Variants in PDX1 observed in about 807,000 individuals in gnomAD.
PDX1 encodes pancreas/duodenum homeobox protein 1.
PDX1 carries 7 observed loss-of-function variants against 11.1 expected under a neutral mutation model. That is an observed-to-expected ratio of 0.63 (90% confidence interval 0.36 to 1.19). PDX1 has a LOEUF of 1.19. Ranked by LOEUF, PDX1 falls within the 50% of genes most tolerant of loss-of-function variation. PDX1 has a pLI of 0.02. For synonymous variants in PDX1, 232 were observed against 196.2 expected (o/e 1.18, Z -1.53); for missense variants, 449 against 412.1 (o/e 1.09, Z -0.78).
At chr13:27,923,518 G>A (rs771907905) in intron 1 of PDX1, among the ~76,000 whole-genome samples, 1 of 152,236 alleles carries the variant, frequency 6.6e-6, no homozygotes, top group Non-Finnish European at 1.5e-5. Flanking sequence ...AGAATTTGCT[G>A]GCTCTCAGGT....
At position 27,925,382 on chromosome 13, in the gene PDX1, C is replaced by T. The variant is rs1405479621; in HGVS notation, c.*681C>T. 3.2e-5 allele frequency: 5 copies of T among 157,038 alleles called. No homozygotes were observed. Among genetic ancestry groups the T allele is most frequent in the Non-Finnish European group, 6.6e-5 (5 of 76,026 alleles). The allele number at this position is 157,038 out of a possible 1,614,324, so 9.7% of individuals were successfully genotyped here. ...CTTCCTCTTCCTCCTGCTCTCCTTT[C>T]CTCCCCCTCCTCTTTCTCCTCCTCC... is the stretch of plus-strand genomic sequence containing the variant. On this transcript the variant is annotated 3_prime_UTR_variant, in exon 2 of 2. Coordinates refer to ENST00000381033, the MANE Select transcript of PDX1 (RefSeq NM_000209.4).
Position 27,924,284 on chromosome 13 carries a change from G to T in PDX1, c.435G>T (p.Glu145Asp), listed in dbSNP as rs1444644197. The change falls in exon 2 of 2, where the codon GAG becomes GAT. Residue 145 changes from glutamate (E) to aspartate (D), a missense_variant. Glu to Asp is a conservative substitution (Grantham distance 45). Transcript: ENST00000381033. The surrounding 1 kb of genome is among the most constrained non-coding windows in gnomAD (Gnocchi z 4.8). ...AGGAYAAEPE[E>D]NKRTRTAYTR... Reference sequence around the variant, plus strand: ...GCGCCTACGCTGCGGAGCCGGAGGAGAACAAGCGGACGCGCACGGCCTACA... The same window carrying T: ...GCGCCTACGCTGCGGAGCCGGAGGATAACAAGCGGACGCGCACGGCCTACA... 6.2e-7 allele frequency: 1 copy of T among 1,609,060 alleles called. No individual in the cohort carries two copies.
rs1333501321 is a variant in PDX1 at position 27,924,479 on chromosome 13, C to A, written c.630C>A (p.Gly210=). ...KWKKEEDKKR[G]GGTAVGGGGV... ...AAAAGGAGGAGGACAAGAAGCGCGG[C>A]GGCGGGACAGCTGTCGGGGGTGGCG... is the stretch of plus-strand genomic sequence containing the variant. The change falls in exon 2 of 2, where the codon GGC becomes GGA. Residue 210 remains glycine, a synonymous_variant. Coordinates refer to ENST00000381033, the MANE Select transcript of PDX1 (RefSeq NM_000209.4). This position sits in a 1 kb window ranked among gnomAD's most constrained non-coding sequence, Gnocchi z 4.8. The A allele has an allele frequency of 3.1e-6, 5 of 1,612,724 alleles. No homozygotes were observed. Among genetic ancestry groups the A allele is most frequent in the African/African-American group, 1.3e-5 (1 of 74,984 alleles).
Position 27,920,012 on chromosome 13 carries a change from G to C in PDX1, c.-127G>C. The C allele has an allele frequency of 8.2e-7, 1 of 1,214,162 alleles. No individual in the cohort carries two copies. The highest frequency in any genetic ancestry group is 2.6e-5 in the East Asian group (1 of 39,060). The allele number at this position is 1,214,162 out of a possible 1,614,324, so 75.2% of individuals were successfully genotyped here. A position where few individuals can be genotyped will look rare whatever the true frequency, so the allele number is the denominator to read the frequency against. On this transcript the variant is annotated 5_prime_UTR_variant, in exon 1 of 2. Coordinates refer to ENST00000381033, the MANE Select transcript of PDX1 (RefSeq NM_000209.4). The stretch of plus-strand genomic sequence containing the variant: ...GTGGGTTCCCTCTGAGATCAGTGCG[G>C]AGCTGTCAAAGCGAGCAGGGGTGGC...
In PDX1 at chr13:27,920,171, G is replaced by T; in HGVS notation, c.33G>T (p.Thr11=). Residue 11 remains threonine, a synonymous_variant, in exon 1 of 2, where the codon ACG becomes ACT. Coordinates refer to ENST00000381033, the MANE Select transcript of PDX1 (RefSeq NM_000209.4). MNGEEQYYAA[T]QLYKDPCAFQ... Reference sequence around the variant, plus strand: ...GCGAGGAGCAGTACTACGCGGCCACGCAGCTTTACAAGGACCCATGCGCGT... The same window carrying T: ...GCGAGGAGCAGTACTACGCGGCCACTCAGCTTTACAAGGACCCATGCGCGT... The T allele has an allele frequency of 3.9e-6, 6 of 1,550,000 alleles. No homozygotes were observed. In the South Asian group the frequency reaches 7.1e-5, roughly 18 times the overall value.
chr13:27,925,184 A>G lies in PDX1; in HGVS notation c.*483A>G, dbSNP rs1293928864. Reference sequence around the variant, plus strand: ...ACCCCTTTAAGTTTAGAAATAATTGAAAGGAAATGTTTGAGTTTTCAAAGA... The same window carrying G: ...ACCCCTTTAAGTTTAGAAATAATTGGAAGGAAATGTTTGAGTTTTCAAAGA... On this transcript the variant is annotated 3_prime_UTR_variant, in exon 2 of 2. Transcript: ENST00000381033. The G allele has an allele frequency of 4.8e-6, 1 of 209,848 alleles. No homozygotes were observed. Among genetic ancestry groups the G allele is most frequent in the Non-Finnish European group, 9.7e-6 (1 of 102,838 alleles). The allele number at this position is 209,848 out of a possible 1,614,324, so 13.0% of individuals were successfully genotyped here.
intron 1 of PDX1, among the ~76,000 whole-genome samples, chr13:27,921,505 C>A (rs961355327): frequency 2.0e-5 from 3 of 152,238 alleles, no homozygotes; most frequent in Non-Finnish European, 2.9e-5. Flanking sequence ...CGCTGCCGTG[C>A]CTCAGCCACT....
rs192902098 is a variant in PDX1, at chr13:27,920,235, C to A, written c.97C>A (p.Pro33Thr). ...GGCGCCGGAGTTCAGCGCCAGCCCC[C>A]CTGCGTGCCTGTACATGGGCCGCCA... is the stretch of plus-strand genomic sequence containing the variant. ...GPAPEFSASP[P>T]ACLYMGRQPP... The change falls in exon 1 of 2, where the codon CCT (proline) becomes ACT (threonine). Residue 33 changes from proline (P) to threonine (T), a missense_variant. Physicochemically the swap from Pro to Thr is conservative, Grantham distance 38. This residue lies in a region of PDX1 where 263 missense variants were observed against 212.5 expected (regional missense o/e 1.24). Coordinates refer to ENST00000381033, the MANE Select transcript of PDX1 (RefSeq NM_000209.4). 2.0e-3 allele frequency: 3,082 copies of A among 1,548,334 alleles called. 17 individuals are homozygous for A. The highest frequency in any genetic ancestry group is 6.0e-3 in the South Asian group (502 of 83,942).
At position 27,920,081 on chromosome 13, in the gene PDX1, G is replaced by C. The variant is rs965979876; in HGVS notation, c.-58G>C. The C allele has an allele frequency of 7.8e-6, 12 of 1,545,010 alleles. No homozygotes were observed. Among genetic ancestry groups the C allele is most frequent in the Non-Finnish European group, 9.6e-6 (11 of 1,143,642 alleles). Reference sequence around the variant, plus strand: ...ACACAGTGCCAAATCCCCGGCTCCAGCTCCCGACTCCCGGCTCCCGGCTCC... The same window carrying C: ...ACACAGTGCCAAATCCCCGGCTCCACCTCCCGACTCCCGGCTCCCGGCTCC... On this transcript the variant is annotated 5_prime_UTR_variant, in exon 1 of 2. Coordinates refer to ENST00000381033, the MANE Select transcript of PDX1 (RefSeq NM_000209.4).
intron 1 of PDX1, among the ~76,000 whole-genome samples, chr13:27,921,631 A>G (rs1957788736): frequency 6.6e-6 from 1 of 152,144 alleles, no homozygotes; most frequent in Non-Finnish European, 1.5e-5. Flanking sequence ...CTCAGCGCCC[A>G]TCTGCGGGGT....
chr13:27,920,403 C>G lies in PDX1; in HGVS notation c.265C>G (p.Gln89Glu), dbSNP rs1265416135. ...VAHLHHHLPA[Q>E]LALPHPPAGP... ...GCACCTTCACCACCACCTCCCGGCT[C>G]AGCTCGCGCTCCCCCACCCGCCCGC... The change falls in exon 1 of 2, where the codon CAG (glutamine) becomes GAG (glutamate). Residue 89 changes from glutamine (Q) to glutamate (E), a missense_variant. Physicochemically the swap from Gln to Glu is conservative, Grantham distance 29. Coordinates refer to ENST00000381033, the MANE Select transcript of PDX1 (RefSeq NM_000209.4). 1 of 1,554,818 alleles carries G rather than the reference C, an allele frequency of 6.4e-7. No homozygotes were observed. The highest frequency in any genetic ancestry group is 1.2e-5 in the South Asian group (1 of 84,628).
At chr13:27,923,073 A>G (rs1796464329) in intron 1 of PDX1, among the ~76,000 whole-genome samples, 2 of 152,220 alleles carry the variant, frequency 1.3e-5, no homozygotes, top group African/African-American at 4.8e-5. Context: ...AGGCTTAGCC[A>G]ACATTCACAG....
chr13:27,924,115 T>C lies in PDX1; in HGVS notation c.407-141T>C. ...CGCGCGCCTACACTAGGCGCTGAAA[T>C]GGGATGCTGGGGCTTGGTGGCTCCG... On this transcript the variant is annotated intron_variant, in intron 1 of 1. Transcript: ENST00000381033. This position sits in a 1 kb window ranked among gnomAD's most constrained non-coding sequence, Gnocchi z 4.8. 1.5e-6 allele frequency: 1 copy of C among 662,070 alleles called. No individual in the cohort carries two copies. The highest frequency in any genetic ancestry group is 2.2e-5 in the South Asian group (1 of 44,734). 41.0% of individuals were successfully genotyped at this position (662,070 alleles called of 1,614,324 possible). A position where few individuals can be genotyped will look rare whatever the true frequency, so the allele number is the denominator to read the frequency against.
In PDX1 at chr13:27,920,181, A is replaced by G. The variant is rs1324849296; in HGVS notation, c.43A>G (p.Lys15Glu). 6.5e-7 allele frequency: 1 copy of G among 1,550,062 alleles called. No homozygotes were observed. The highest frequency in any genetic ancestry group is 8.7e-7 in the Non-Finnish European group (1 of 1,146,772). ...GTACTACGCGGCCACGCAGCTTTAC[A>G]AGGACCCATGCGCGTTCCAGCGAGG... ...EQYYAATQLY[K>E]DPCAFQRGPA... The change falls in exon 1 of 2, where the codon AAG (lysine) becomes GAG (glutamate). Residue 15 changes from lysine to glutamate, a missense_variant. Physicochemically the swap from Lys to Glu is moderately conservative, Grantham distance 56. Coordinates refer to ENST00000381033, the MANE Select transcript of PDX1 (RefSeq NM_000209.4).
intron 1 of PDX1, among the ~76,000 whole-genome samples, chr13:27,923,166 G>A (rs1957800181): frequency 6.6e-6 from 1 of 152,242 alleles, no homozygotes; most frequent in Admixed American, 6.5e-5. Flanking sequence ...TCCACAGCCT[G>A]GGTGCAGTCA....
At position 27,920,230 on chromosome 13, in the gene PDX1, G is replaced by C. The variant is rs1449072088; in HGVS notation, c.92G>C (p.Ser31Thr). 3 of 1,548,514 alleles carry C rather than the reference G, an allele frequency of 1.9e-6. No individual in the cohort carries two copies. The highest frequency in any genetic ancestry group is 2.7e-5 in the African/African-American group (2 of 72,928). Residue 31 changes from serine (S) to threonine (T), a missense_variant, in exon 1 of 2, where the codon AGC (serine) becomes ACC (threonine). Ser to Thr is a moderately conservative substitution (Grantham distance 58). This residue lies in a region of PDX1 where 263 missense variants were observed against 212.5 expected (regional missense o/e 1.24). Transcript: ENST00000381033. ...GGCCCGGCGCCGGAGTTCAGCGCCA[G>C]CCCCCCTGCGTGCCTGTACATGGGC... ...QRGPAPEFSA[S>T]PPACLYMGRQ...
chr13:27,924,199 T>G lies in PDX1; in HGVS notation c.407-57T>G. On this transcript the variant is annotated intron_variant, in intron 1 of 1. Coordinates refer to ENST00000381033, the MANE Select transcript of PDX1 (RefSeq NM_000209.4). The surrounding 1 kb of genome is among the most constrained non-coding windows in gnomAD (Gnocchi z 4.8). Reference sequence around the variant, plus strand: ...CCCCCCTTGAAGGGGTTGGGCTGCGTGGGTGGGGGCTGTGCGGGGCTCCGG... The same window carrying G: ...CCCCCCTTGAAGGGGTTGGGCTGCGGGGGTGGGGGCTGTGCGGGGCTCCGG... 1.4e-6 allele frequency: 2 copies of G among 1,435,698 alleles called. No homozygotes were observed. Among genetic ancestry groups the G allele is most frequent in the Non-Finnish European group, 1.9e-6 (2 of 1,072,982 alleles). 88.9% of individuals were successfully genotyped at this position (1,435,698 alleles called of 1,614,324 possible). A position where few individuals can be genotyped will look rare whatever the true frequency, so the allele number is the denominator to read the frequency against.
At chr13:27,922,350 G>C (rs1454168051) in intron 1 of PDX1, among the ~76,000 whole-genome samples, 1 of 152,118 alleles carries the variant, frequency 6.6e-6, no homozygotes. Context: ...GGAAGGAGAC[G>C]ACCTCCCCTC....
At position 27,925,328 on chromosome 13, in the gene PDX1, C is replaced by T. The variant is rs572467700; in HGVS notation, c.*627C>T. On this transcript the variant is annotated 3_prime_UTR_variant, in exon 2 of 2. Coordinates refer to ENST00000381033, the MANE Select transcript of PDX1 (RefSeq NM_000209.4). Reference sequence around the variant, plus strand: ...CTCCTCTTCCTCTTCCTCCTGCTCTCCTTTCCTCCCCCTCCTCTTTTCCCT... The same window carrying T: ...CTCCTCTTCCTCTTCCTCCTGCTCTTCTTTCCTCCCCCTCCTCTTTTCCCT... 3.9e-5 allele frequency: 6 copies of T among 152,284 alleles called. No individual in the cohort carries two copies. Among genetic ancestry groups the T allele is most frequent in the South Asian group, 1.6e-4 (1 of 6,290 alleles). The allele number at this position is 152,284 out of a possible 1,614,324, so 9.4% of individuals were successfully genotyped here.
Sources: gnomAD v4.1 joint callset for allele counts (sites outside exome capture counted in the v4.1 genomes callset) on GRCh38, gnomAD v4.1.1 for gene constraint, gnomAD v4.1.1 regional missense constraint, Gnocchi (gnomAD v3.1) non-coding constraint, MANE v1.5 for transcripts, NCBI Gene and HGNC (gene_info 2026-07-23, HGNC 2026-07-21) for gene names.